The following SIL1 variants were observed in gnomAD, a reference collection of about 807,000 sequenced individuals.
SIL1 encodes nucleotide exchange factor SIL1.
In SIL1, 40 loss-of-function variants were observed where a neutral mutation model predicts 49.1. That is an observed-to-expected ratio of 0.81 (90% CI 0.63 to 1.06). The LOEUF (loss-of-function observed/expected upper bound fraction) is 1.06, where lower values mean the gene tolerates loss of function less well. Ranked by LOEUF, SIL1 falls within the 50% of genes least tolerant of loss-of-function variation. The pLI is 0.00. For missense variants in SIL1, 500 were observed against 572.6 expected (o/e 0.87, Z 1.29); for synonymous variants, 253 against 250.8 (o/e 1.01, Z -0.08).
intron 4 of SIL1, among the ~76,000 whole-genome samples, chr5:139,046,298 G>C (rs949787533): frequency 1.3e-5 from 2 of 152,028 alleles, no homozygotes; most frequent in Non-Finnish European, 2.9e-5. Flanking sequence ...CTGCACTCCA[G>C]CCTGGGTAGC....
intron 3 of SIL1, among the ~76,000 whole-genome samples, chr5:139,059,858 C>G (rs1453812607): frequency 6.6e-6 from 1 of 152,126 alleles, no homozygotes; most frequent in Non-Finnish European, 1.5e-5. Flanking sequence ...TAACTTCTTT[C>G]TCTAACACTG....
chr5:139,166,685 C>G (rs11951709), intron 1 of SIL1, among the ~76,000 whole-genome samples: 1 of 151,994 alleles, frequency 6.6e-6, no homozygotes, highest in Non-Finnish European at 1.5e-5. Context: ...ATTCCCATAG[C>G]CCAGGCTGGA....
chr5:139,093,672 T>C (rs547107221), intron 3 of SIL1: 1 of 152,382 alleles, frequency 6.6e-6, no homozygotes, highest in African/African-American at 2.4e-5. Context: ...AAATTTTCTT[T>C]CATTTGTCCC....
intron 3 of SIL1, among the ~76,000 whole-genome samples, chr5:139,068,573 T>G (rs1581074999): frequency 7.6e-6 from 1 of 132,272 alleles, no homozygotes; most frequent in Admixed American, 8.6e-5. Flanking sequence ...GGAAACCTCA[T>G]AAAGCAAGCT....
intron 7 of SIL1, among the ~76,000 whole-genome samples, chr5:138,990,091 G>A (rs1021980460): frequency 2.6e-5 from 4 of 152,152 alleles, no homozygotes; most frequent in African/African-American, 7.2e-5. Context: ...TTCCTGGACC[G>A]CCCAGCAAGT....
chr5:139,004,956 A>G (rs1356050762), intron 7 of SIL1, among the ~76,000 whole-genome samples: 2 of 152,192 alleles, frequency 1.3e-5, no homozygotes, highest in African/African-American at 4.8e-5. Flanking sequence ...CTGGGGTAAA[A>G]GATAGGATGT....
At chr5:139,029,127 C>T (rs995638366) in intron 5 of SIL1, among the ~76,000 whole-genome samples, 2 of 152,168 alleles carry the variant, frequency 1.3e-5, no homozygotes, top group African/African-American at 4.8e-5. Context: ...TTTTTAAATT[C>T]TATTTTTTTA....
chr5:139,045,800 G>T (rs187668458), intron 4 of SIL1, among the ~76,000 whole-genome samples: 1 of 152,162 alleles, frequency 6.6e-6, no homozygotes. Context: ...TCCTGAATCT[G>T]TGCCCCTCCC....
At chr5:139,042,314 G>A (rs954836705) in intron 5 of SIL1, among the ~76,000 whole-genome samples, 2 of 152,106 alleles carry the variant, frequency 1.3e-5, no homozygotes, top group African/African-American at 4.8e-5. Context: ...ACTCCACTCA[G>A]GCCTGTGATA....
chr5:139,155,126 T>C (rs145325193), intron 1 of SIL1, among the ~76,000 whole-genome samples: 56 of 152,376 alleles, frequency 3.7e-4, no homozygotes, highest in African/African-American at 9.6e-4. Context: ...TATGGAGTTA[T>C]AGTTATCCAC....
chr5:139,174,384 C>G (rs1392618706), intron 1 of SIL1, among the ~76,000 whole-genome samples: 1 of 152,066 alleles, frequency 6.6e-6, no homozygotes. Flanking sequence ...GTGGTCCCAA[C>G]TACTTGGGAG....
intron 1 of SIL1, among the ~76,000 whole-genome samples, chr5:139,147,020 C>G (rs1445201563): frequency 6.6e-6 from 1 of 152,170 alleles, no homozygotes; most frequent in Non-Finnish European, 1.5e-5. Context: ...CTAGTTAGAT[C>G]TAACACACAG....
rs1248216254 is a variant in SIL1 at position 138,947,097 on chromosome 5, T to C, written c.*20A>G. 2 of 1,588,194 alleles carry C rather than the reference T, an allele frequency of 1.3e-6. No individual in the cohort carries two copies. The highest frequency in any genetic ancestry group is 2.3e-5 in the East Asian group (1 of 44,336). On this transcript the variant is annotated 3_prime_UTR_variant, in exon 10 of 10. Transcript: ENST00000394817. The surrounding 1 kb of genome is among the most constrained non-coding windows in gnomAD (Gnocchi z 4.1). ...CTCAGCCTCACTAGCGGCATCCCAG[T>C]CCAGTCCTGGTGTGGGGCCTCATCT...
chr5:139,047,815 C>T (rs1769199050), intron 4 of SIL1, among the ~76,000 whole-genome samples: 1 of 152,194 alleles, frequency 6.6e-6, no homozygotes, highest in Non-Finnish European at 1.5e-5. Context: ...ATAGGTTTGC[C>T]ATTAGCTATA....
intron 7 of SIL1, among the ~76,000 whole-genome samples, chr5:139,018,288 A>T (rs1046307836): frequency 6.6e-6 from 1 of 152,192 alleles, no homozygotes; most frequent in African/African-American, 2.4e-5. Context: ...AATGCCCTCA[A>T]TGAAGCAGCA....
chr5:139,061,887 G>A (rs1769597732), intron 3 of SIL1, among the ~76,000 whole-genome samples: 1 of 152,092 alleles, frequency 6.6e-6, no homozygotes, highest in Non-Finnish European at 1.5e-5. Flanking sequence ...CTCCATAAAG[G>A]TCAGCTTGAA....
chr5:139,105,345 G>A (rs898435668), intron 3 of SIL1, among the ~76,000 whole-genome samples: 1 of 152,260 alleles, frequency 6.6e-6, no homozygotes, highest in African/African-American at 2.4e-5. Context: ...CTGTGGCTTT[G>A]GATAGTCAAA....
intron 5 of SIL1, among the ~76,000 whole-genome samples, chr5:139,039,994 T>C (rs1450326589): frequency 1.3e-5 from 2 of 152,182 alleles, no homozygotes; most frequent in African/African-American, 4.8e-5. Context: ...TAATTGATGT[T>C]CTCGTCCCCA....
At chr5:139,168,168 C>A (rs1287384052) in intron 1 of SIL1, among the ~76,000 whole-genome samples, 1 of 152,118 alleles carries the variant, frequency 6.6e-6, no homozygotes, top group African/African-American at 2.4e-5. Flanking sequence ...GTAGGCTATA[C>A]CATCTAGGTT....
Sources: gnomAD v4.1 joint callset for allele counts (sites outside exome capture counted in the v4.1 genomes callset) on GRCh38, gnomAD v4.1.1 for gene constraint, Gnocchi (gnomAD v3.1) non-coding constraint, MANE v1.5 for transcripts, NCBI Gene and HGNC (gene_info 2026-07-23, HGNC 2026-07-21) for gene names.